The following NR2C2 variants were observed in gnomAD, a reference collection of about 807,000 sequenced individuals.
The protein encoded by NR2C2 is Nuclear hormone receptor TR4.
In NR2C2, 6 loss-of-function variants were observed where a neutral mutation model predicts 62.9. That is an observed-to-expected ratio of 0.10 (90% CI 0.05 to 0.19). The LOEUF (loss-of-function observed/expected upper bound fraction) is 0.19, where lower values mean the gene tolerates loss of function less well. Among genes scored for constraint, NR2C2 ranks in the 10% least tolerant of loss-of-function variants. The probability of loss-of-function intolerance (pLI) is 1.00; values close to 1 mark genes in which losing one functional copy is unlikely to be tolerated. For synonymous variants in NR2C2, 272 were observed against 273.8 expected (o/e 0.99, Z 0.07); for missense variants, 479 against 762.7 (o/e 0.63, Z 4.38).
chr3:15,022,004 C>G (rs1196826050), intron 5 of NR2C2, among the ~76,000 whole-genome samples: 1 of 152,124 alleles, frequency 6.6e-6, no homozygotes, highest in African/African-American at 2.4e-5. Context: ...CATTGCCAAG[C>G]TGTCCTTTTT....
intron 1 of NR2C2, among the ~76,000 whole-genome samples, chr3:14,970,855 T>C (rs556483848): frequency 2.0e-5 from 3 of 152,254 alleles, no homozygotes; most frequent in Non-Finnish European, 4.4e-5. Context: ...ACTCAACTTA[T>C]GATGGTTCAA....
rs370617889 is a variant in NR2C2, at chr3:14,993,600, A to G, written c.-39-10276A>G. ...CATCACTTTGCCTTCATGCAAGACC[A>G]TATCTCAGCTGCCTCTGGTGCCACT... On this transcript the variant is annotated intron_variant, in intron 1 of 13. Coordinates refer to ENST00000425241, the MANE Select transcript of NR2C2 (RefSeq NM_001291694.2). Among the ~76,000 whole-genome samples the G allele has an allele frequency of 1.7e-4, 26 of 152,266 alleles. No individual in the cohort carries two copies. In the South Asian group the frequency reaches 5.2e-3, roughly 30 times the overall value.
chr3:15,027,878 T>C, intron 7 of NR2C2, among the ~76,000 whole-genome samples: 1 of 151,946 alleles, frequency 6.6e-6, no homozygotes, highest in East Asian at 1.9e-4. Context: ...TTTTCCTTTT[T>C]TTTTTTGACA....
intron 1 of NR2C2, among the ~76,000 whole-genome samples, chr3:14,981,204 C>T (rs528249323): frequency 3.2e-4 from 49 of 152,312 alleles, no homozygotes; most frequent in Admixed American, 2.3e-3. Context: ...CAATGGCTCA[C>T]ACCTGTAATC....
In NR2C2 at chr3:15,043,108, T is replaced by C. The variant is rs183766871; in HGVS notation, c.*100T>C. 3.6e-5 allele frequency: 41 copies of C among 1,137,922 alleles called. No individual in the cohort carries two copies. The East Asian group carries it at 1.0e-3, about 29-fold the overall frequency. 70.5% of individuals were successfully genotyped at this position (1,137,922 alleles called of 1,614,324 possible). ...TTTGGTATGTGCAAATATTTCCATATGTTAGCCATTTCCTGTCTGGTTTCT... is the reference window on the plus strand; with the variant it reads ...TTTGGTATGTGCAAATATTTCCATACGTTAGCCATTTCCTGTCTGGTTTCT... On this transcript the variant is annotated 3_prime_UTR_variant, in exon 14 of 14. Transcript: ENST00000425241.
intron 13 of NR2C2, among the ~76,000 whole-genome samples, chr3:15,040,763 A>C (rs993973656): frequency 1.3e-5 from 2 of 152,248 alleles, no homozygotes; most frequent in African/African-American, 4.8e-5. Flanking sequence ...TCATGAATCT[A>C]GAATAACTTC....
rs374312474 is a variant in NR2C2, at chr3:14,951,793, G to T, written c.-40+3887G>T. On this transcript the variant is annotated intron_variant, in intron 1 of 13. Coordinates refer to ENST00000425241, the MANE Select transcript of NR2C2 (RefSeq NM_001291694.2). ...TTGGGAGTCTCGCTCTGTCACCCAG[G>T]CTGGAGTGCAGTGGTGCGATCTCGG... Among the ~76,000 whole-genome samples the T allele has an allele frequency of 8.8e-4, 134 of 152,116 alleles. 1 individual carries two copies. Among genetic ancestry groups the T allele is most frequent in the African/African-American group, 2.9e-3 (122 of 41,504 alleles).
chr3:15,020,380 G>C (rs1247104604), intron 4 of NR2C2, among the ~76,000 whole-genome samples: 3 of 152,232 alleles, frequency 2.0e-5, no homozygotes, highest in Non-Finnish European at 4.4e-5. Flanking sequence ...CACAAGCCCA[G>C]ATCTCCAGGA....
rs1466447525 is a variant in NR2C2 at position 15,044,765 on chromosome 3, GC to G, written c.*1761del. 2 of 152,244 alleles carry G rather than the reference GC, an allele frequency of 1.3e-5. No individual in the cohort carries two copies. The highest frequency in any genetic ancestry group is 4.8e-5 in the African/African-American group (2 of 41,466). The allele number at this position is 152,244 out of a possible 1,614,324, so 9.4% of individuals were successfully genotyped here. On this transcript the variant is annotated 3_prime_UTR_variant, in exon 14 of 14. Coordinates refer to ENST00000425241, the MANE Select transcript of NR2C2 (RefSeq NM_001291694.2). ...GGGTGCAGTCTGGCCAGCTACAGAC[GC>G]CCCTGTGGTGCCACATTGGACAGAA...
intron 13 of NR2C2, among the ~76,000 whole-genome samples, chr3:15,041,442 T>C (rs1473805324): frequency 6.6e-6 from 1 of 152,186 alleles, no homozygotes. Flanking sequence ...ATGCTGGTGC[T>C]GGAATGCTAC....
In NR2C2 at chr3:15,038,156, A is replaced by G; in HGVS notation, c.1510+19A>G. Reference sequence around the variant, plus strand: ...AGCCCCGGTAAGATATGCGGTGGGGATGCATGACCCCTTTCCACCTGTATC... The same window carrying G: ...AGCCCCGGTAAGATATGCGGTGGGGGTGCATGACCCCTTTCCACCTGTATC... On this transcript the variant is annotated intron_variant, in intron 12 of 13. Coordinates refer to ENST00000425241, the MANE Select transcript of NR2C2 (RefSeq NM_001291694.2). 2 of 1,598,764 alleles carry G rather than the reference A, an allele frequency of 1.3e-6. No homozygotes were observed. Among genetic ancestry groups the G allele is most frequent in the Non-Finnish European group, 8.5e-7 (1 of 1,171,426 alleles).
chr3:14,977,707 A>G (rs1644479391), intron 1 of NR2C2, among the ~76,000 whole-genome samples: 3 of 152,090 alleles, frequency 2.0e-5, no homozygotes, highest in East Asian at 1.9e-4. Flanking sequence ...GCTCATGCAT[A>G]TAATCCTAGC....
chr3:14,985,751 T>G (rs2040497448), intron 1 of NR2C2, among the ~76,000 whole-genome samples: 1 of 152,178 alleles, frequency 6.6e-6, no homozygotes, highest in South Asian at 2.1e-4. Context: ...CATTTAAGTT[T>G]GCACATTGAA....
At chr3:14,948,023 G>A (rs1211139073) in intron 1 of NR2C2, 117 bp downstream of exon 1, 2 of 151,778 alleles carry the variant, frequency 1.3e-5, no homozygotes, top group African/African-American at 4.9e-5. Context: ...CTTTGCCACG[G>A]GGTGGCGGCG....
intron 4 of NR2C2, among the ~76,000 whole-genome samples, chr3:15,017,710 T>C (rs760503345): frequency 4.6e-5 from 7 of 152,144 alleles, no homozygotes; most frequent in Admixed American, 6.5e-5. Context: ...AAAAACAATA[T>C]TATAGAAGGC....
intron 1 of NR2C2, among the ~76,000 whole-genome samples, chr3:14,986,386 G>C (rs1272851496): frequency 1.3e-5 from 2 of 152,120 alleles, no homozygotes; most frequent in Admixed American, 6.6e-5. Flanking sequence ...GAAATGTAGA[G>C]TCAGCTGGAA....
chr3:15,031,588 G>T (rs1456073029), intron 9 of NR2C2, among the ~76,000 whole-genome samples: 1 of 151,942 alleles, frequency 6.6e-6, no homozygotes, highest in African/African-American at 2.4e-5. Flanking sequence ...GCCCAAGCTG[G>T]TCTCAAACAC....
chr3:15,006,035 A>G (rs1339867667), intron 2 of NR2C2, among the ~76,000 whole-genome samples: 1 of 151,990 alleles, frequency 6.6e-6, no homozygotes, highest in Non-Finnish European at 1.5e-5. Flanking sequence ...GTGAGATTGT[A>G]TCTCTACAAA....
Position 15,009,893 on chromosome 3 carries a change from C to T in NR2C2, c.73-3696C>T, listed in dbSNP as rs966413841. 4.6e-5 allele frequency among the ~76,000 whole-genome samples: 7 copies of T among 152,190 alleles called. No individual in the cohort carries two copies. In the South Asian group the frequency reaches 6.2e-4, roughly 14 times the overall value. On this transcript the variant is annotated intron_variant, in intron 2 of 13. Transcript: ENST00000425241. The stretch of plus-strand genomic sequence containing the variant: ...GGTGCCAGCAGTCCTTGGCATTCCT[C>T]GCTTGCTTGCAGCTGCATCACTCCA...
Sources: allele counts gnomAD v4.1 joint callset (sites outside exome capture counted in the v4.1 genomes callset), GRCh38; gene constraint gnomAD v4.1.1; transcripts MANE v1.5; gene names NCBI Gene and HGNC (gene_info 2026-07-23, HGNC 2026-07-21).